Variants in RRP8 observed in about 807,000 individuals in gnomAD.
RRP8 encodes ribosomal RNA processing 8.
Under a neutral mutation model 45.0 loss-of-function variants are expected in RRP8, and 48 were observed. The ratio of observed to expected loss-of-function variants is 1.07; its 90% CI spans 0.85 to 1.36. RRP8 has a LOEUF of 1.36. RRP8 is among the 40% of genes most tolerant of loss of function. The probability of loss-of-function intolerance (pLI) is 0.00; values close to 1 mark genes in which losing one functional copy is unlikely to be tolerated. For missense variants in RRP8, 658 were observed against 573.7 expected, an observed-to-expected ratio of 1.15 and a Z score of -1.50; for synonymous variants, 274 against 212.4, an observed-to-expected ratio of 1.29 and a Z score of -2.52.
At position 6,596,485 on chromosome 11, in the gene RRP8, A is replaced by C. The variant is rs1023999132; in HGVS notation, c.*3661T>G. The C allele has an allele frequency of 1.3e-5, 2 of 152,258 alleles. No individual in the cohort carries two copies. Among genetic ancestry groups the C allele is most frequent in the African/African-American group, 4.8e-5 (2 of 41,452 alleles). 9.4% of individuals were successfully genotyped at this position (152,258 alleles called of 1,614,324 possible). On this transcript the variant is annotated 3_prime_UTR_variant, in exon 7 of 7. Transcript: ENST00000254605. ...TCCATTGAAGGATTTTAAGCAGAGA[A>C]GTGACATAAGCTGATTTACATTTTA... is the stretch of plus-strand genomic sequence containing the variant.
rs918320321 is a variant in RRP8 at position 6,598,773 on chromosome 11, C to T, written c.*1373G>A. 5.3e-5 allele frequency: 8 copies of T among 152,252 alleles called. No homozygotes were observed. The highest frequency in any genetic ancestry group is 1.9e-4 in the African/African-American group (8 of 41,462). The allele number at this position is 152,252 out of a possible 1,614,324, so 9.4% of individuals were successfully genotyped here. On this transcript the variant is annotated 3_prime_UTR_variant, in exon 7 of 7. Coordinates refer to ENST00000254605, the MANE Select transcript of RRP8 (RefSeq NM_015324.4). ...CCCCTTATTAGAGGCATCCAACTGG[C>T]TCAGGGCATAGAACCTATGATCTCC...
Position 6,599,008 on chromosome 11 carries a change from GC to G in RRP8, c.*1137del, listed in dbSNP as rs1360132132. ...GGACAGACTCTTCCGCCAATGAACAGCCCAATGCCCCCAAGCCCACATGGCA... is the reference window on the plus strand; with the variant it reads ...GGACAGACTCTTCCGCCAATGAACAGCCAATGCCCCCAAGCCCACATGGCA... On this transcript the variant is annotated 3_prime_UTR_variant, in exon 7 of 7. Transcript: ENST00000254605. 4 of 152,290 alleles carry G rather than the reference GC, an allele frequency of 2.6e-5. No individual in the cohort carries two copies. Among genetic ancestry groups the G allele is most frequent in the African/African-American group, 9.6e-5 (4 of 41,454 alleles). 9.4% of individuals were successfully genotyped at this position (152,290 alleles called of 1,614,324 possible). A position where few individuals can be genotyped will look rare whatever the true frequency, so the allele number is the denominator to read the frequency against.
rs1419135875 is a variant in RRP8, at chr11:6,597,188, G to A, written c.*2958C>T. The A allele has an allele frequency of 6.6e-6, 1 of 152,184 alleles. No individual in the cohort carries two copies. Among genetic ancestry groups the A allele is most frequent in the Non-Finnish European group, 1.5e-5 (1 of 68,048 alleles). The allele number at this position is 152,184 out of a possible 1,614,324, so 9.4% of individuals were successfully genotyped here. On this transcript the variant is annotated 3_prime_UTR_variant, in exon 7 of 7. Transcript: ENST00000254605. The stretch of plus-strand genomic sequence containing the variant: ...GCACTGGGAAAGGGAGGAGTGATTG[G>A]TATGCTCTTCCCTCTGCTCGGCTCC...
rs139927131 is a variant in RRP8 at position 6,600,624 on chromosome 11, G to T, written c.1155-42C>A. 12 of 1,607,796 alleles carry T rather than the reference G, an allele frequency of 7.5e-6. 1 individual carries two copies. In the African/African-American group the frequency reaches 1.3e-4, roughly 18 times the overall value. ...GTTCTGTGTAAGTGCACAGACTCAT[G>T]CATGCACACATACATACATGCATCT... On this transcript the variant is annotated intron_variant, in intron 5 of 6. Transcript: ENST00000254605.
intron 1 of RRP8, 40 bp downstream of exon 1, chr11:6,603,364 C>G (rs1404374558): frequency 6.9e-7 from 1 of 1,445,332 alleles, no homozygotes; most frequent in Non-Finnish European, 9.5e-7. Context: ...GTCCGCTTCG[C>G]GGCCTGAAAC....
Position 6,597,211 on chromosome 11 carries a change from T to A in RRP8, c.*2935A>T, listed in dbSNP as rs1367634757. On this transcript the variant is annotated 3_prime_UTR_variant, in exon 7 of 7. Transcript: ENST00000254605. The stretch of plus-strand genomic sequence containing the variant: ...TGGTATGCTCTTCCCTCTGCTCGGC[T>A]CCTCTCTACCTAATCACTGCTGATT... 3.9e-5 allele frequency: 6 copies of A among 152,136 alleles called. No homozygotes were observed. Among genetic ancestry groups the A allele is most frequent in the Admixed American group, 3.3e-4 (5 of 15,266 alleles). The allele number at this position is 152,136 out of a possible 1,614,324, so 9.4% of individuals were successfully genotyped here.
Position 6,601,031 on chromosome 11 carries a change from G to C in RRP8, c.942C>G (p.Asp314Glu). The C allele has an allele frequency of 1.9e-6, 3 of 1,614,218 alleles. No homozygotes were observed. The highest frequency in any genetic ancestry group is 4.5e-5 in the East Asian group (2 of 44,886). The change falls in exon 4 of 7, where the codon GAC (aspartate) becomes GAG (glutamate). Residue 314 changes from aspartate (D) to glutamate (E), a missense_variant. Coordinates refer to ENST00000254605, the MANE Select transcript of RRP8 (RefSeq NM_015324.4). ...CCAAGCGGCAATCCCCACAGCCGAA[G>C]TCAGCCACCACTAGGGATGCAGGCC... is the stretch of plus-strand genomic sequence containing the variant. ...RQRPASLVVADFGCGDCRLAS... is the reference protein window; with the variant it reads ...RQRPASLVVAEFGCGDCRLAS...
At chr11:6,601,762 T>A in intron 2 of RRP8, 90 bp downstream of exon 2, 1 of 1,491,220 alleles carries the variant, frequency 6.7e-7, no homozygotes, top group South Asian at 1.3e-5. Flanking sequence ...CCAATCCTAA[T>A]GGCAGTGGAT....
At chr11:6,601,673 C>G in intron 2 of RRP8, 71 bp from the exon 3 acceptor site, 2 of 1,509,736 alleles carry the variant, frequency 1.3e-6, no homozygotes, top group Non-Finnish European at 1.8e-6. Context: ...GCAAGTCATC[C>G]CAGCCATACC....
rs772646511 is a variant in RRP8 at position 6,600,236 on chromosome 11, A to T, written c.1281T>A (p.Phe427Leu). 2.5e-6 allele frequency: 4 copies of T among 1,601,130 alleles called. No homozygotes were observed. The highest frequency in any genetic ancestry group is 1.8e-5 in the Admixed American group (1 of 56,204). The change falls in exon 7 of 7, where the codon TTT becomes TTA. Residue 427 changes from phenylalanine to leucine, a missense_variant. Physicochemically the swap from Phe to Leu is conservative, Grantham distance 22. Transcript: ENST00000254605. ...GAGGGGGCCCAGTCTTTTGGAAATC[A>T]AACAAGAAGAAATGGCTGTTGGTCA... ...KDLTNSHFFLFDFQKTGPPLV... is the reference protein window; with the variant it reads ...KDLTNSHFFLLDFQKTGPPLV...
chr11:6,595,546 AC>A lies in RRP8; in HGVS notation c.*4599del, dbSNP rs1207486287. ...ACTCCAGGTTATATGACAAAAAAAA[AC>A]ATCTGTTTAGGACATTCTTTAGTGG... On this transcript the variant is annotated 3_prime_UTR_variant, in exon 7 of 7. Transcript: ENST00000254605. 1.3e-5 allele frequency: 2 copies of A among 152,100 alleles called. No individual in the cohort carries two copies. The highest frequency in any genetic ancestry group is 2.1e-4 in the South Asian group (1 of 4,834). The allele number at this position is 152,100 out of a possible 1,614,324, so 9.4% of individuals were successfully genotyped here.
In RRP8 at chr11:6,600,611, T is replaced by C. The variant is rs1295401169; in HGVS notation, c.1155-29A>G. The C allele has an allele frequency of 3.1e-6, 5 of 1,612,096 alleles. No individual in the cohort carries two copies. In the Admixed American group the frequency reaches 8.3e-5, roughly 27 times the overall value. On this transcript the variant is annotated intron_variant, in intron 5 of 6. Transcript: ENST00000254605. ...AGAAAGACAGAAAGTTCTGTGTAAG[T>C]GCACAGACTCATGCATGCACACATA...
chr11:6,602,024 T>C lies in RRP8; in HGVS notation c.291A>G (p.Gln97=). 10 of 1,614,210 alleles carry C rather than the reference T, an allele frequency of 6.2e-6. No individual in the cohort carries two copies. Among genetic ancestry groups the C allele is most frequent in the Non-Finnish European group, 8.5e-6 (10 of 1,180,022 alleles). ...AGTCACTGCAAGGTGGGCCCTGTTT[T>C]TGACATTTCTTCTTCCCTTTCTTCC... ...EVGKKGKKKC[Q]KQGPPCSDSE... The change falls in exon 2 of 7, where the codon CAA becomes CAG. Residue 97 remains glutamine (Q), a synonymous_variant. Coordinates refer to ENST00000254605, the MANE Select transcript of RRP8 (RefSeq NM_015324.4).
chr11:6,603,612 G>A lies in RRP8; in HGVS notation c.-110C>T. Reference sequence around the variant, plus strand: ...CCAGAACCGACCCGGAAACCAAAGCGTGACAGCCAGGGGTTGCTAGAGCGG... The same window carrying A: ...CCAGAACCGACCCGGAAACCAAAGCATGACAGCCAGGGGTTGCTAGAGCGG... On this transcript the variant is annotated 5_prime_UTR_variant, in exon 1 of 7. In the 5' UTR this introduces an upstream ATG that the reference lacks. Transcript: ENST00000254605. 1 of 641,736 alleles carries A rather than the reference G, an allele frequency of 1.6e-6. No homozygotes were observed. Among genetic ancestry groups the A allele is most frequent in the Non-Finnish European group, 2.6e-6 (1 of 390,590 alleles). 39.8% of individuals were successfully genotyped at this position (641,736 alleles called of 1,614,324 possible). A position where few individuals can be genotyped will look rare whatever the true frequency, so the allele number is the denominator to read the frequency against.
rs537947106 is a variant in RRP8, at chr11:6,600,595, G to A, written c.1155-13C>T. ...TTTCAGGAGACCCCTGAGAAAGACA[G>A]AAAGTTCTGTGTAAGTGCACAGACT... On this transcript the variant is annotated splice_polypyrimidine_tract_variant and intron_variant, in intron 5 of 6. Transcript: ENST00000254605. 3 of 1,613,774 alleles carry A rather than the reference G, an allele frequency of 1.9e-6. No individual in the cohort carries two copies. The highest frequency in any genetic ancestry group is 2.5e-6 in the Non-Finnish European group (3 of 1,179,762).
chr11:6,603,288 G>C, intron 1 of RRP8, 116 bp downstream of exon 1: 2 of 707,262 alleles, frequency 2.8e-6, no homozygotes, highest in Non-Finnish European at 4.7e-6. Context: ...TTCAGATCAG[G>C]ACTCGCCCTT....
intron 1 of RRP8, 140 bp downstream of exon 1, chr11:6,603,264 G>T (rs1219593820): frequency 1.6e-6 from 1 of 608,992 alleles, no homozygotes; most frequent in African/African-American, 2.0e-5. Flanking sequence ...GTTTCTTTTG[G>T]AAGTTCTCGG....
At chr11:6,600,286 G>C (rs11040933) in intron 6 of RRP8, 21 bp from the exon 7 acceptor site, 3 of 1,519,736 alleles carry the variant, frequency 2.0e-6, no homozygotes, top group South Asian at 2.4e-5. Context: ...AAAAGACCCA[G>C]TGAGAACCAA....
chr11:6,603,562 C>T lies in RRP8; in HGVS notation c.-60G>A. 8.5e-7 allele frequency: 1 copy of T among 1,180,154 alleles called. No individual in the cohort carries two copies. The highest frequency in any genetic ancestry group is 1.2e-6 in the Non-Finnish European group (1 of 842,086). 73.1% of individuals were successfully genotyped at this position (1,180,154 alleles called of 1,614,324 possible). Reference sequence around the variant, plus strand: ...TCTTCTCCACGTGCACAGCGCTCCTCTGGAAGTCGGAGCGCTCAGACCTGC... The same window carrying T: ...TCTTCTCCACGTGCACAGCGCTCCTTTGGAAGTCGGAGCGCTCAGACCTGC... On this transcript the variant is annotated 5_prime_UTR_variant, in exon 1 of 7. Transcript: ENST00000254605.
Sources: allele counts gnomAD v4.1 joint callset, GRCh38; gene constraint gnomAD v4.1.1; transcripts MANE v1.5; gene names NCBI Gene and HGNC (gene_info 2026-07-23, HGNC 2026-07-21).